VAV3: variants seen among roughly 807,000 people sequenced by gnomAD.
VAV3 encodes the protein guanine nucleotide exchange factor VAV3.
Under a neutral mutation model 131.2 loss-of-function variants are expected in VAV3, and 94 were observed. That is an observed-to-expected ratio of 0.72 (90% CI 0.61 to 0.85). The LOEUF is 0.85. VAV3 is among the 40% of genes least tolerant of loss of function. The pLI is 0.00. For missense variants in VAV3, 939 were observed against 1,002.7 expected, an observed-to-expected ratio of 0.94 and a Z score of 0.86; for synonymous variants, 349 against 342.0, an observed-to-expected ratio of 1.02 and a Z score of -0.22.
chr1:107,657,111 C>CAG (rs1210964450), intron 19 of VAV3, among the ~76,000 whole-genome samples: 4 of 152,016 alleles, frequency 2.6e-5, no homozygotes, highest in Admixed American at 1.3e-4. Context: ...TGCACCACTA[C>CAG]ACCTGGCTGA....
intron 18 of VAV3, among the ~76,000 whole-genome samples, chr1:107,686,443 A>G (rs1396825964): frequency 6.6e-6 from 1 of 152,234 alleles, no homozygotes; most frequent in African/African-American, 2.4e-5. Context: ...TACAAATTAC[A>G]AAAGTGTTTC....
At chr1:107,802,664 A>T (rs1666880948) in intron 2 of VAV3, among the ~76,000 whole-genome samples, 1 of 152,108 alleles carries the variant, frequency 6.6e-6, no homozygotes, top group African/African-American at 2.4e-5. Flanking sequence ...GCATATGTTG[A>T]ACTATCATAT....
At chr1:107,650,713 C>G (rs1196145529) in intron 19 of VAV3, among the ~76,000 whole-genome samples, 5 of 104,862 alleles carry the variant, frequency 4.8e-5, no homozygotes, top group African/African-American at 1.9e-4. Context: ...TCCCCCCCCT[C>G]CCCCCACCCC....
intron 2 of VAV3, among the ~76,000 whole-genome samples, chr1:107,813,110 C>T (rs1049908502): frequency 3.8e-5 from 4 of 105,356 alleles, no homozygotes; most frequent in Non-Finnish European, 8.7e-5. Flanking sequence ...CAGAGCCAGA[C>T]TCCGTCTCAA....
chr1:107,714,392 T>C (rs1223359234), intron 15 of VAV3, among the ~76,000 whole-genome samples: 2 of 152,130 alleles, frequency 1.3e-5, no homozygotes, highest in Admixed American at 1.3e-4. Flanking sequence ...TTAAGTAAAG[T>C]CTTAGCCAAA....
chr1:107,805,180 T>C (rs79458835), intron 2 of VAV3, among the ~76,000 whole-genome samples: 22,996 of 152,148 alleles, frequency 0.15, 2,016 homozygotes, highest in East Asian at 0.29. Context: ...CTCTGACCTT[T>C]CTGTGCCTAA....
At chr1:107,711,458 CT>C (rs1273467400) in intron 15 of VAV3, among the ~76,000 whole-genome samples, 1 of 152,118 alleles carries the variant, frequency 6.6e-6, no homozygotes, top group African/African-American at 2.4e-5. Context: ...TTCAGTACCC[CT>C]GGTACACCAA....
At chr1:107,620,242 G>A (rs1044907105) in intron 20 of VAV3, among the ~76,000 whole-genome samples, 1 of 152,108 alleles carries the variant, frequency 6.6e-6, no homozygotes, top group African/African-American at 2.4e-5. Context: ...CCCTGTCAAT[G>A]AGGAGCATGG....
chr1:107,625,353 G>A (rs370192942), intron 20 of VAV3, among the ~76,000 whole-genome samples: 2 of 150,808 alleles, frequency 1.3e-5, no homozygotes, highest in African/African-American at 4.9e-5. Flanking sequence ...TGCAACCTCC[G>A]CCTCCCGGGC....
At chr1:107,769,522 C>G (rs908507392) in intron 6 of VAV3, among the ~76,000 whole-genome samples, 9 of 152,232 alleles carry the variant, frequency 5.9e-5, no homozygotes. Context: ...AACCTCTTCC[C>G]TAACATGCAT....
At chr1:107,651,542 AAGGGAGGGAGGG>A (rs71098642) in intron 19 of VAV3, among the ~76,000 whole-genome samples, 1 of 132,660 alleles carries the variant, frequency 7.5e-6, no homozygotes, top group Non-Finnish European at 1.6e-5. Flanking sequence ...CAAAGTAAGG[AAGGGAGGGAGGG>A]AGGGAGGGAG....
At chr1:107,874,865 A>G (rs375051069) in intron 2 of VAV3, 36 bp downstream of exon 2, 8 of 1,560,606 alleles carry the variant, frequency 5.1e-6, no homozygotes, top group Non-Finnish European at 7.1e-6. Context: ...AATGCTTTCC[A>G]GTTAAAAAGT....
intron 18 of VAV3, among the ~76,000 whole-genome samples, chr1:107,684,262 G>A (rs991664780): frequency 1.3e-5 from 2 of 152,192 alleles, no homozygotes; most frequent in Non-Finnish European, 2.9e-5. Context: ...CCTAACTACA[G>A]TAATCTCACT....
intron 17 of VAV3, among the ~76,000 whole-genome samples, chr1:107,691,854 A>G (rs1427527003): frequency 6.6e-6 from 1 of 152,174 alleles, no homozygotes; most frequent in Admixed American, 6.6e-5. Flanking sequence ...ACAGAGTTCA[A>G]TGTGCATTAT....
Position 107,893,327 on chromosome 1 carries a change from T to C in VAV3, c.205-18310A>G, listed in dbSNP as rs192929548. Among the ~76,000 whole-genome samples, 23 of 152,332 alleles carry C rather than the reference T, an allele frequency of 1.5e-4. No homozygotes were observed. In the East Asian group the frequency reaches 4.2e-3, roughly 28 times the overall value. On this transcript the variant is annotated intron_variant, in intron 1 of 26. Transcript: ENST00000370056. ...TCTAGGAAAATACTTTTCCCAAAAGTACCCATCTCCAACTTTATAATAAAA... is the reference window on the plus strand; with the variant it reads ...TCTAGGAAAATACTTTTCCCAAAAGCACCCATCTCCAACTTTATAATAAAA...
intron 25 of VAV3, among the ~76,000 whole-genome samples, chr1:107,581,817 A>G (rs1650074632): frequency 6.6e-6 from 1 of 152,226 alleles, no homozygotes; most frequent in Admixed American, 6.5e-5. Context: ...CTCAGTTTTC[A>G]GTAATATTTG....
intron 1 of VAV3, among the ~76,000 whole-genome samples, chr1:107,915,663 T>C (rs1440419087): frequency 6.6e-6 from 1 of 152,212 alleles, no homozygotes; most frequent in African/African-American, 2.4e-5. Context: ...TGCTAGTTGA[T>C]GAGCACCCTG....
intron 15 of VAV3, among the ~76,000 whole-genome samples, chr1:107,742,513 A>G (rs2102024460): frequency 6.6e-6 from 1 of 152,356 alleles, no homozygotes; most frequent in East Asian, 1.9e-4. Context: ...AAGAACATAA[A>G]GGAAAGATAA....
chr1:107,735,434 A>G (rs913957556), intron 15 of VAV3, among the ~76,000 whole-genome samples: 2 of 152,194 alleles, frequency 1.3e-5, no homozygotes, highest in East Asian at 1.9e-4. Context: ...TTTTCTGAAA[A>G]GATCACAAAA....
Sources: allele counts gnomAD v4.1 joint callset (sites outside exome capture counted in the v4.1 genomes callset), GRCh38; gene constraint gnomAD v4.1.1; transcripts MANE v1.5; gene names NCBI Gene and HGNC (gene_info 2026-07-23, HGNC 2026-07-21).